The following ARHGAP12 variants were observed in gnomAD, a reference collection of about 807,000 sequenced individuals.
ARHGAP12 encodes the protein rho GTPase-activating protein 12.
Under a neutral mutation model 108.6 loss-of-function variants are expected in ARHGAP12, and 64 were observed. That is an observed-to-expected ratio of 0.59 (90% CI 0.48 to 0.73). The LOEUF (loss-of-function observed/expected upper bound fraction) is 0.73. Ranked by LOEUF, ARHGAP12 falls within the 30% of genes least tolerant of loss-of-function variation. The pLI, the probability that ARHGAP12 is intolerant of heterozygous loss-of-function variation, is 0.00. For synonymous variants in ARHGAP12, 312 were observed against 337.2 expected (o/e 0.93, Z 0.82); for missense variants, 940 against 1,005.9 (o/e 0.93, Z 0.89).
chr10:31,896,533 A>G (rs1389515158), intron 3 of ARHGAP12, among the ~76,000 whole-genome samples: 1 of 152,146 alleles, frequency 6.6e-6, no homozygotes, highest in Non-Finnish European at 1.5e-5. Context: ...GTTTCAGATC[A>G]TACTTTCTAA....
intron 3 of ARHGAP12, among the ~76,000 whole-genome samples, chr10:31,887,962 T>C (rs1838252638): frequency 6.6e-6 from 1 of 152,162 alleles, no homozygotes; most frequent in Non-Finnish European, 1.5e-5. Flanking sequence ...CGGCCTGCCC[T>C]TCCTATTTTA....
At chr10:31,847,052 G>T (rs1836488650) in intron 6 of ARHGAP12, among the ~76,000 whole-genome samples, 1 of 151,856 alleles carries the variant, frequency 6.6e-6, no homozygotes, top group South Asian at 2.1e-4. Flanking sequence ...TTGGCTCTAG[G>T]ATTTCCCTTT....
chr10:31,861,681 T>C (rs1592303736), intron 3 of ARHGAP12, 23 bp from the exon 4 acceptor site: 3 of 1,561,874 alleles, frequency 1.9e-6, no homozygotes, highest in East Asian at 2.2e-5. Flanking sequence ...CATTTTTAAA[T>C]TTCATGTTTA....
At chr10:31,899,606 G>A (rs553577973) in intron 3 of ARHGAP12, among the ~76,000 whole-genome samples, 3 of 152,290 alleles carry the variant, frequency 2.0e-5, no homozygotes, top group South Asian at 2.1e-4. Context: ...ACAAAGGAAC[G>A]AAGTCAATTC....
intron 16 of ARHGAP12, 102 bp from the exon 17 acceptor site, chr10:31,809,409 C>A: frequency 9.4e-7 from 1 of 1,067,942 alleles, no homozygotes; most frequent in Non-Finnish European, 1.4e-6. Flanking sequence ...TTTGCATTAG[C>A]CTAAAATCAA....
intron 3 of ARHGAP12, among the ~76,000 whole-genome samples, chr10:31,896,308 G>GA (rs758692591): frequency 0.027 from 2,518 of 94,656 alleles, 56 homozygotes; most frequent in African/African-American, 0.068. Flanking sequence ...TTTTTACTTT[G>GA]AAAAAAAAAA....
At chr10:31,808,418 A>G (rs1834898900) in intron 19 of ARHGAP12, 1 of 365,080 alleles carries the variant, frequency 2.7e-6, no homozygotes. Context: ...ACTATGTGCT[A>G]AGCATTACAT....
At position 31,808,713 on chromosome 10, in the gene ARHGAP12, G is replaced by A. The variant is rs773641302; in HGVS notation, c.2302C>T (p.Leu768=). The change falls in exon 19 of 20, where the codon CTA becomes TTA. Residue 768 remains leucine, a synonymous_variant. Coordinates refer to ENST00000344936, the MANE Select transcript of ARHGAP12 (RefSeq NM_018287.7). ...PRQRVAAVKD[L]IRQLPKPNQD... ...TTTGGCTTTGGCAACTGTCTGATTA[G>A]GTCCTTAACAGCAGCGACTCGCTGT... The A allele has an allele frequency of 6.2e-7, 1 of 1,613,878 alleles. No individual in the cohort carries two copies. Among genetic ancestry groups the A allele is most frequent in the South Asian group, 1.1e-5 (1 of 91,070 alleles).
chr10:31,861,403 C>T lies in ARHGAP12; in HGVS notation c.940G>A (p.Asp314Asn), dbSNP rs113025800. ...TCCTTAATTACTCATACCTCTTGAT[C>T]CCCTGGATTTTGGAAATCTCCTTTG... The part of the protein sequence containing the change: ...ISKGDFQNPG[D>N]QELLSSEENY... The change falls in exon 4 of 20, where the codon GAT becomes AAT. Residue 314 changes from aspartate to asparagine, a missense_variant. Asp to Asn is a conservative substitution (Grantham distance 23). Transcript: ENST00000344936. 6.2e-7 allele frequency: 1 copy of T among 1,611,782 alleles called. No homozygotes were observed. Among genetic ancestry groups the T allele is most frequent in the Non-Finnish European group, 8.5e-7 (1 of 1,179,160 alleles).
At chr10:31,918,315 TCACACACACACA>T (rs58245483) in intron 1 of ARHGAP12, among the ~76,000 whole-genome samples, 2,887 of 139,992 alleles carry the variant, frequency 0.021, 71 homozygotes, top group African/African-American at 0.061. Flanking sequence ...ATTAGGGAAA[TCACACACACACA>T]CACACACACA....
chr10:31,912,006 G>A (rs1339347806), intron 1 of ARHGAP12, among the ~76,000 whole-genome samples: 1 of 152,036 alleles, frequency 6.6e-6, no homozygotes, highest in Non-Finnish European at 1.5e-5. Context: ...TACCCTACCC[G>A]AGCTCTGCCA....
chr10:31,919,690 C>CT (rs1279488755), intron 1 of ARHGAP12, among the ~76,000 whole-genome samples: 1 of 151,768 alleles, frequency 6.6e-6, no homozygotes, highest in African/African-American at 2.4e-5. Flanking sequence ...ACTCAGGAGG[C>CT]TGAGGCAGGA....
At chr10:31,886,838 A>G (rs566940069) in intron 3 of ARHGAP12, among the ~76,000 whole-genome samples, 2 of 152,324 alleles carry the variant, frequency 1.3e-5, no homozygotes, top group South Asian at 4.1e-4. Context: ...TAACCTAGCT[A>G]CCAGAATAAC....
chr10:31,818,494 T>C (rs1265809862), intron 12 of ARHGAP12, among the ~76,000 whole-genome samples: 3 of 152,208 alleles, frequency 2.0e-5, no homozygotes, highest in East Asian at 1.9e-4. Flanking sequence ...AACTAATTTA[T>C]GTACAATCTC....
chr10:31,894,815 A>T (rs1838611512), intron 3 of ARHGAP12, among the ~76,000 whole-genome samples: 1 of 152,226 alleles, frequency 6.6e-6, no homozygotes, highest in Admixed American at 6.5e-5. Flanking sequence ...AAAAGTACAA[A>T]GCTGGAGGCA....
At chr10:31,875,049 C>T (rs866358214) in intron 3 of ARHGAP12, among the ~76,000 whole-genome samples, 1 of 147,760 alleles carries the variant, frequency 6.8e-6, no homozygotes, top group Admixed American at 6.8e-5. Context: ...TACAGAAGAC[C>T]ATATGTAAGT....
chr10:31,813,887 C>T (rs1286507500), intron 14 of ARHGAP12, among the ~76,000 whole-genome samples: 4 of 152,108 alleles, frequency 2.6e-5, no homozygotes, highest in Non-Finnish European at 5.9e-5. Flanking sequence ...GGTACATATT[C>T]CATGACTTTT....
intron 1 of ARHGAP12, among the ~76,000 whole-genome samples, chr10:31,917,072 C>G (rs138260682): frequency 6.6e-6 from 1 of 152,066 alleles, no homozygotes; most frequent in Non-Finnish European, 1.5e-5. Context: ...CACTGAACTT[C>G]GCATCAAATC....
chr10:31,917,290 C>T (rs1450109383), intron 1 of ARHGAP12, among the ~76,000 whole-genome samples: 1 of 152,018 alleles, frequency 6.6e-6, no homozygotes, highest in African/African-American at 2.4e-5. Context: ...TGCCTGTAAT[C>T]CCAGCTACTC....
Sources: allele counts gnomAD v4.1 joint callset (sites outside exome capture counted in the v4.1 genomes callset), GRCh38; gene constraint gnomAD v4.1.1; transcripts MANE v1.5; gene names NCBI Gene and HGNC (gene_info 2026-07-23, HGNC 2026-07-21).